Variants in PREX2 observed in about 807,000 individuals in gnomAD.
PREX2 encodes phosphatidylinositol-3,4,5-trisphosphate dependent Rac exchange factor 2.
In PREX2, 107 loss-of-function variants were observed where a neutral mutation model predicts 203.2. The observed-to-expected ratio is 0.53, with a 90% CI of 0.45 to 0.62. The LOEUF is 0.62. PREX2 is among the 20% of genes least tolerant of loss of function. PREX2 has a pLI of 0.00. For missense variants in PREX2, 1,777 were observed against 1,955.9 expected (o/e 0.91, Z 1.72); for synonymous variants, 672 against 663.6 (o/e 1.01, Z -0.19).
chr8:67,966,010 T>C lies in PREX2; in HGVS notation c.141+13475T>C, dbSNP rs1183747961. On this transcript the variant is annotated intron_variant, in intron 1 of 39. Transcript: ENST00000288368. ...TGTTTTGAGGGTAGCAAATATTCTT[T>C]GTGATTTAAGATTTTTAAAAAATTT... is the stretch of plus-strand genomic sequence containing the variant. 2.6e-5 allele frequency among the ~76,000 whole-genome samples: 4 copies of C among 152,316 alleles called. No homozygotes were observed. The East Asian group carries it at 7.7e-4, about 29-fold the overall frequency.
chr8:68,198,336 C>G (rs2129614837), intron 37 of PREX2, among the ~76,000 whole-genome samples: 1 of 151,786 alleles, frequency 6.6e-6, no homozygotes, highest in South Asian at 2.1e-4. Flanking sequence ...ATTTATATAC[C>G]TGCTTTGTAG....
chr8:67,960,427 G>A (rs1805604089), intron 1 of PREX2, among the ~76,000 whole-genome samples: 2 of 151,956 alleles, frequency 1.3e-5, no homozygotes, highest in African/African-American at 2.4e-5. Context: ...AGCTTGGCAC[G>A]TGCTCAGACC....
intron 15 of PREX2, among the ~76,000 whole-genome samples, chr8:68,079,159 G>A (rs11778639): frequency 0.53 from 81,145 of 152,006 alleles, 21,671 homozygotes; most frequent in South Asian, 0.56. Context: ...CGTCTCTACA[G>A]AAATTTAAAA....
chr8:67,998,997 A>G (rs1196855360), intron 1 of PREX2, among the ~76,000 whole-genome samples: 1 of 152,134 alleles, frequency 6.6e-6, no homozygotes, highest in Non-Finnish European at 1.5e-5. Flanking sequence ...TTTGTAACTT[A>G]TGTAGCTTGT....
At chr8:68,128,083 T>C (rs1810932532) in intron 31 of PREX2, among the ~76,000 whole-genome samples, 2 of 152,186 alleles carry the variant, frequency 1.3e-5, no homozygotes, top group Admixed American at 6.5e-5. Context: ...TCATTCAAAA[T>C]GCATTTACAA....
chr8:67,955,140 T>C (rs1585650280), intron 1 of PREX2, among the ~76,000 whole-genome samples: 4 of 92,908 alleles, frequency 4.3e-5, no homozygotes, highest in South Asian at 4.5e-4. Context: ...AGAGCGAGAC[T>C]CCATCTCAAA....
chr8:68,125,406 A>G (rs1810866709), intron 30 of PREX2, among the ~76,000 whole-genome samples: 2 of 152,134 alleles, frequency 1.3e-5, no homozygotes, highest in Non-Finnish European at 2.9e-5. Flanking sequence ...CATCTGTTAT[A>G]TACCACAGGT....
chr8:68,217,712 G>A lies in PREX2; in HGVS notation c.4701G>A (p.Arg1567=), dbSNP rs1275807342. The A allele has an allele frequency of 6.2e-7, 1 of 1,612,140 alleles. No individual in the cohort carries two copies. The highest frequency in any genetic ancestry group is 2.2e-5 in the East Asian group (1 of 44,820). ...RYIMQATDVM[R]KQGARVQNTA... ...TCATGCAGGCTACAGATGTGATGCG[G>A]AAGCAGGTAGGTCTCATGCAGACTT... Residue 1567 remains arginine (R), a synonymous_variant, in exon 38 of 40, where the codon CGG becomes CGA. Coordinates refer to ENST00000288368, the MANE Select transcript of PREX2 (RefSeq NM_024870.4).
intron 4 of PREX2, among the ~76,000 whole-genome samples, chr8:68,026,162 G>T (rs956531594): frequency 1.3e-5 from 2 of 152,072 alleles, no homozygotes; most frequent in Non-Finnish European, 2.9e-5. Flanking sequence ...GCTTTCTGAG[G>T]TGTCTGGGTG....
At chr8:68,042,816 G>A (rs535209051) in intron 7 of PREX2, among the ~76,000 whole-genome samples, 1 of 152,054 alleles carries the variant, frequency 6.6e-6, no homozygotes, top group East Asian at 1.9e-4. Context: ...ACACTTACTG[G>A]AATTTTGTGT....
intron 10 of PREX2, among the ~76,000 whole-genome samples, chr8:68,060,420 G>T (rs1052094012): frequency 6.6e-6 from 1 of 152,092 alleles, no homozygotes; most frequent in African/African-American, 2.4e-5. Flanking sequence ...TTTATTAGAG[G>T]CCTCAACAAG....
At chr8:68,117,516 G>A (rs1810681579) in intron 26 of PREX2, among the ~76,000 whole-genome samples, 1 of 152,042 alleles carries the variant, frequency 6.6e-6, no homozygotes, top group Non-Finnish European at 1.5e-5. Context: ...TTTTCCCAGT[G>A]GGAAATTACA....
chr8:68,032,715 T>A (rs906324075), intron 6 of PREX2, among the ~76,000 whole-genome samples: 3 of 152,168 alleles, frequency 2.0e-5, no homozygotes, highest in African/African-American at 7.2e-5. Context: ...TAAAGAGCTG[T>A]CTTTGACTTG....
intron 33 of PREX2, among the ~76,000 whole-genome samples, chr8:68,140,451 A>G (rs1404036496): frequency 6.6e-6 from 1 of 152,182 alleles, no homozygotes; most frequent in African/African-American, 2.4e-5. Flanking sequence ...ATCACATCTT[A>G]TTTAAGTGGT....
At chr8:67,963,876 T>C (rs780445154) in intron 1 of PREX2, among the ~76,000 whole-genome samples, 54 of 152,184 alleles carry the variant, frequency 3.5e-4, no homozygotes, top group Non-Finnish European at 7.2e-4. Flanking sequence ...GGTTATTTAA[T>C]TTTTAAATTA....
At chr8:68,092,842 T>TG (rs1167987081) in intron 20 of PREX2, among the ~76,000 whole-genome samples, 1 of 152,080 alleles carries the variant, frequency 6.6e-6, no homozygotes, top group Non-Finnish European at 1.5e-5. Context: ...TAAAAAGAGA[T>TG]GGGGTCTCAC....
intron 21 of PREX2, among the ~76,000 whole-genome samples, chr8:68,096,269 A>G (rs972002769): frequency 6.6e-6 from 1 of 152,170 alleles, no homozygotes; most frequent in Non-Finnish European, 1.5e-5. Context: ...TAGTTACTTT[A>G]AGATAAATCA....
chr8:68,054,779 T>A (rs1808626136), intron 9 of PREX2, among the ~76,000 whole-genome samples: 1 of 152,214 alleles, frequency 6.6e-6, no homozygotes, highest in Non-Finnish European at 1.5e-5. Context: ...ACCTGAGTCC[T>A]GGACTCCCAC....
intron 15 of PREX2, among the ~76,000 whole-genome samples, chr8:68,080,014 A>T (rs2129611886): frequency 6.6e-6 from 1 of 152,270 alleles, no homozygotes; most frequent in South Asian, 2.1e-4. Context: ...ACCCATTTGA[A>T]TTTTCCCATA....
Sources: gnomAD v4.1 joint callset for allele counts (sites outside exome capture counted in the v4.1 genomes callset) on GRCh38, gnomAD v4.1.1 for gene constraint, MANE v1.5 for transcripts, NCBI Gene and HGNC (gene_info 2026-07-23, HGNC 2026-07-21) for gene names.